Variants in RAP1GDS1 observed in about 807,000 individuals in gnomAD.
RAP1GDS1 encodes the protein RAP1, GTP-GDP dissociation stimulator 1.
In RAP1GDS1, 35 loss-of-function variants were observed where a neutral mutation model predicts 71.1. The ratio of observed to expected loss-of-function variants is 0.49; its 90% CI spans 0.38 to 0.65. The LOEUF (loss-of-function observed/expected upper bound fraction) is 0.65. Among genes scored for constraint, RAP1GDS1 ranks in the 30% least tolerant of loss-of-function variants. The probability of loss-of-function intolerance (pLI) is 0.00; values close to 1 mark genes in which losing one functional copy is unlikely to be tolerated. For synonymous variants in RAP1GDS1, 229 were observed against 243.1 expected (o/e 0.94, Z 0.54); for missense variants, 663 against 706.1 (o/e 0.94, Z 0.69).
At chr4:98,405,239 T>C (rs1471557421) in intron 7 of RAP1GDS1, among the ~76,000 whole-genome samples, 1 of 151,894 alleles carries the variant, frequency 6.6e-6, no homozygotes, top group Non-Finnish European at 1.5e-5. Flanking sequence ...AGAAGGAAAC[T>C]AAAAACTATT....
At position 98,347,413 on chromosome 4, in the gene RAP1GDS1, G is replaced by A. The variant is rs897291161; in HGVS notation, c.235+4152G>A. On this transcript the variant is annotated intron_variant, in intron 3 of 14. Coordinates refer to ENST00000408927, the MANE Select transcript of RAP1GDS1 (RefSeq NM_001100427.2). The stretch of plus-strand genomic sequence containing the variant: ...ACTACAGTCAAAGGGAAAAACATTA[G>A]TCTTAGGTGGAAATCAACTTTTTAT... Among the ~76,000 whole-genome samples the A allele has an allele frequency of 2.4e-4, 36 of 152,258 alleles. 1 individual carries two copies. Among genetic ancestry groups the A allele is most frequent in the African/African-American group, 8.2e-4 (34 of 41,554 alleles).
intron 3 of RAP1GDS1, among the ~76,000 whole-genome samples, chr4:98,348,501 C>A (rs1736652827): frequency 6.6e-6 from 1 of 152,150 alleles, no homozygotes; most frequent in South Asian, 2.1e-4. Context: ...ATTGCTGGGT[C>A]AAATGGTATT....
rs141207453 is a variant in RAP1GDS1, at chr4:98,359,089, A to G, written c.361+6488A>G. 1.5e-4 allele frequency among the ~76,000 whole-genome samples: 23 copies of G among 152,248 alleles called. 1 individual carries two copies. In the East Asian group the frequency reaches 4.4e-3, roughly 29 times the overall value. ...CAGCATAGCTCACAGCAGTAATTTT[A>G]ATGAGTTTGTGCAATTAATGTGAAA... On this transcript the variant is annotated intron_variant, in intron 4 of 14. Coordinates refer to ENST00000408927, the MANE Select transcript of RAP1GDS1 (RefSeq NM_001100427.2).
chr4:98,416,718 G>T, intron 7 of RAP1GDS1, 27 bp from the exon 8 acceptor site: 2 of 1,562,352 alleles, frequency 1.3e-6, no homozygotes, highest in South Asian at 2.3e-5. Flanking sequence ...CTCAAAGTTT[G>T]ATTATTTTGT....
intron 6 of RAP1GDS1, among the ~76,000 whole-genome samples, chr4:98,394,858 A>G (rs867809814): frequency 1.3e-5 from 2 of 152,120 alleles, no homozygotes; most frequent in Non-Finnish European, 1.5e-5. Flanking sequence ...CCAGATTCCA[A>G]ATTGTTCACG....
intron 2 of RAP1GDS1, among the ~76,000 whole-genome samples, chr4:98,303,924 G>A (rs1245817270): frequency 1.3e-5 from 2 of 151,864 alleles, no homozygotes; most frequent in African/African-American, 4.8e-5. Flanking sequence ...TCTTTGTTCA[G>A]CTCCCACTTA....
chr4:98,301,774 G>T (rs1728622202), intron 2 of RAP1GDS1, among the ~76,000 whole-genome samples: 1 of 152,184 alleles, frequency 6.6e-6, no homozygotes. Flanking sequence ...ACTTAAAAGT[G>T]CATGGACTCC....
intron 2 of RAP1GDS1, among the ~76,000 whole-genome samples, chr4:98,311,479 G>A (rs1730214292): frequency 6.6e-6 from 1 of 152,128 alleles, no homozygotes; most frequent in South Asian, 2.1e-4. Flanking sequence ...AACAAAGGAG[G>A]GGGAGAACAC....
Position 98,267,161 on chromosome 4 carries a change from AAGGATATT to A in RAP1GDS1, c.4+5595_4+5602del, listed in dbSNP as rs369526458. Among the ~76,000 whole-genome samples the A allele has an allele frequency of 6.7e-3, 1,022 of 152,210 alleles. 7 individuals are homozygous for A. The highest frequency in any genetic ancestry group is 0.024 in the African/African-American group (995 of 41,544). ...GAGGATTTTTCTATTTATGTTTATT[AAGGATATT>A]AGCTTGTAGTTTCTTTTCTTGTAGT... is the stretch of plus-strand genomic sequence containing the variant. On this transcript the variant is annotated intron_variant, in intron 1 of 14. Coordinates refer to ENST00000408927, the MANE Select transcript of RAP1GDS1 (RefSeq NM_001100427.2).
At chr4:98,321,933 T>A (rs1731993085) in intron 2 of RAP1GDS1, among the ~76,000 whole-genome samples, 1 of 11,610 alleles carries the variant, frequency 8.6e-5, no homozygotes, top group African/African-American at 3.8e-4. Flanking sequence ...TAACTTTAAA[T>A]GTAAATGGAC....
At chr4:98,390,137 C>T (rs938394146) in intron 5 of RAP1GDS1, among the ~76,000 whole-genome samples, 1 of 152,092 alleles carries the variant, frequency 6.6e-6, no homozygotes, top group Admixed American at 6.5e-5. Flanking sequence ...GTAAAGAGCC[C>T]TATCTACTGG....
At chr4:98,330,179 T>G (rs1397012255) in intron 2 of RAP1GDS1, among the ~76,000 whole-genome samples, 1 of 152,246 alleles carries the variant, frequency 6.6e-6, no homozygotes, top group Non-Finnish European at 1.5e-5. Flanking sequence ...AGAAGAATTT[T>G]TCTTAGTACA....
intron 6 of RAP1GDS1, among the ~76,000 whole-genome samples, chr4:98,400,634 G>A (rs1745273982): frequency 6.6e-6 from 1 of 151,958 alleles, no homozygotes; most frequent in Non-Finnish European, 1.5e-5. Context: ...AGCTAGATAG[G>A]AGGAGTAAGC....
At chr4:98,410,660 TAG>T (rs1043462084) in intron 7 of RAP1GDS1, among the ~76,000 whole-genome samples, 1 of 152,048 alleles carries the variant, frequency 6.6e-6, no homozygotes, top group African/African-American at 2.4e-5. Context: ...TGGAAAAATA[TAG>T]AGTTATGAAA....
intron 5 of RAP1GDS1, chr4:98,379,543 A>G (rs1741675261): frequency 6.5e-6 from 1 of 153,538 alleles, no homozygotes; most frequent in African/African-American, 2.4e-5. Context: ...AAATTATTTT[A>G]TCTAGATGCT....
At chr4:98,350,209 C>G (rs959857345) in intron 3 of RAP1GDS1, among the ~76,000 whole-genome samples, 2 of 152,142 alleles carry the variant, frequency 1.3e-5, no homozygotes, top group Admixed American at 1.3e-4. Context: ...TTCAATGTTG[C>G]CATTGCCTGA....
intron 12 of RAP1GDS1, among the ~76,000 whole-genome samples, chr4:98,431,755 G>A (rs767119392): frequency 6.6e-6 from 1 of 152,144 alleles, no homozygotes; most frequent in Non-Finnish European, 1.5e-5. Flanking sequence ...AAGCTACTCA[G>A]TACAATGTCC....
At chr4:98,286,714 G>A (rs946883668) in intron 1 of RAP1GDS1, among the ~76,000 whole-genome samples, 8 of 151,590 alleles carry the variant, frequency 5.3e-5, no homozygotes, top group Admixed American at 3.3e-4. Context: ...GTGAAACCCC[G>A]TGTCTACTAA....
intron 6 of RAP1GDS1, among the ~76,000 whole-genome samples, chr4:98,398,253 AAG>A (rs1386805879): frequency 6.6e-6 from 1 of 152,100 alleles, no homozygotes; most frequent in Non-Finnish European, 1.5e-5. Flanking sequence ...TAGAAAATAA[AAG>A]AGAAAATATA....
Sources: allele counts gnomAD v4.1 joint callset (sites outside exome capture counted in the v4.1 genomes callset), GRCh38; gene constraint gnomAD v4.1.1; transcripts MANE v1.5; gene names NCBI Gene and HGNC (gene_info 2026-07-23, HGNC 2026-07-21).